The following PKHD1 variants were observed in gnomAD, a reference collection of about 807,000 sequenced individuals.
The protein encoded by PKHD1 is fibrocystin.
In PKHD1, 291 loss-of-function variants were observed where a neutral mutation model predicts 412.0. That is an observed-to-expected ratio of 0.71 (90% confidence interval 0.64 to 0.78). PKHD1 has a LOEUF of 0.78. Among genes scored for constraint, PKHD1 ranks in the 30% least tolerant of loss-of-function variants. PKHD1 has a pLI of 0.00. For synonymous variants in PKHD1, 1,777 were observed against 1,821.5 expected, an observed-to-expected ratio of 0.98 and a Z score of 0.62; for missense variants, 4,825 against 4,950.7, an observed-to-expected ratio of 0.97 and a Z score of 0.76.
intron 36 of PKHD1, among the ~76,000 whole-genome samples, chr6:51,937,425 G>A (rs1266895): frequency 0.7 from 107,017 of 152,046 alleles, 38,158 homozygotes; most frequent in East Asian, 0.94. Context: ...ATCTCTTCAA[G>A]TATTTTACAG....
intron 60 of PKHD1, among the ~76,000 whole-genome samples, chr6:51,673,473 C>G (rs146968370): frequency 1.7e-4 from 26 of 152,320 alleles, no homozygotes; most frequent in South Asian, 8.3e-4. Context: ...GACTCACTTG[C>G]TATAGCAAGT....
At chr6:52,069,103 T>C (rs142564377) in intron 11 of PKHD1, among the ~76,000 whole-genome samples, 50 of 152,326 alleles carry the variant, frequency 3.3e-4, no homozygotes, top group Admixed American at 1.4e-3. Context: ...ATTGAATGAA[T>C]GCTCAGAGAT....
At chr6:51,774,086 A>G (rs1790601138) in intron 54 of PKHD1, among the ~76,000 whole-genome samples, 1 of 151,914 alleles carries the variant, frequency 6.6e-6, no homozygotes, top group South Asian at 2.1e-4. Context: ...TTTTCAACCA[A>G]AGCATTTATA....
At chr6:51,962,684 T>C (rs1471565248) in intron 35 of PKHD1, among the ~76,000 whole-genome samples, 1 of 152,080 alleles carries the variant, frequency 6.6e-6, no homozygotes, top group Non-Finnish European at 1.5e-5. Flanking sequence ...ATCTGAAGTT[T>C]TTCCCTTACC....
chr6:51,900,872 C>G (rs1260991934), intron 43 of PKHD1, among the ~76,000 whole-genome samples: 4 of 152,208 alleles, frequency 2.6e-5, no homozygotes, highest in Non-Finnish European at 5.9e-5. Context: ...TGAACAGACA[C>G]TTCTCAAAAG....
In PKHD1 at chr6:51,659,892, C is replaced by G; in HGVS notation, c.10234G>C (p.Val3412Leu). Residue 3412 changes from valine to leucine, a missense_variant, in exon 61 of 67, where the codon GTC becomes CTC. Val to Leu is a conservative substitution (Grantham distance 32). Coordinates refer to ENST00000371117, the MANE Select transcript of PKHD1 (RefSeq NM_138694.4). ...GCATCAGCGCTATCAAGAATTAGGA[C>G]CACTTGGTCAGTCTGTTTGCAGATG... is the stretch of plus-strand genomic sequence containing the variant. ...GFICKQTDQV[V>L]LILDSADAIW... The G allele has an allele frequency of 6.2e-7, 1 of 1,612,782 alleles. No individual in the cohort carries two copies. Among genetic ancestry groups the G allele is most frequent in the East Asian group, 2.2e-5 (1 of 44,830 alleles).
At chr6:51,985,300 CAT>C (rs1451054727) in intron 35 of PKHD1, among the ~76,000 whole-genome samples, 2 of 152,186 alleles carry the variant, frequency 1.3e-5, no homozygotes, top group African/African-American at 4.8e-5. Flanking sequence ...ACAATTAACA[CAT>C]GTTTATTGAT....
At chr6:51,899,195 C>T (rs75203275) in intron 43 of PKHD1, among the ~76,000 whole-genome samples, 12,188 of 152,040 alleles carry the variant, frequency 0.08, 817 homozygotes, top group African/African-American at 0.19. Context: ...ATACCTAAGC[C>T]GGGCAGAGAC....
At chr6:51,835,128 AC>A (rs1180552660) in intron 51 of PKHD1, among the ~76,000 whole-genome samples, 1 of 152,122 alleles carries the variant, frequency 6.6e-6, no homozygotes, top group African/African-American at 2.4e-5. Context: ...AGTTAAACTG[AC>A]CCCTTCTAAA....
At chr6:52,028,977 G>C (rs116418082) in intron 29 of PKHD1, among the ~76,000 whole-genome samples, 1 of 152,274 alleles carries the variant, frequency 6.6e-6, no homozygotes, top group East Asian at 1.9e-4. Context: ...ACCACATATT[G>C]GTTGCTTAAC....
At position 52,070,995 on chromosome 6, in the gene PKHD1, C is replaced by T; in HGVS notation, c.667+11G>A. 1 of 1,547,144 alleles carries T rather than the reference C, an allele frequency of 6.5e-7. No homozygotes were observed. The highest frequency in any genetic ancestry group is 8.9e-7 in the Non-Finnish European group (1 of 1,119,108). On this transcript the variant is annotated intron_variant, in intron 9 of 66. Coordinates refer to ENST00000371117, the MANE Select transcript of PKHD1 (RefSeq NM_138694.4). ...ATAAGACTTTAAAATTATGTTACTTCTCTAACAGACCGATGTAGTCGCCTT... is the reference window on the plus strand; with the variant it reads ...ATAAGACTTTAAAATTATGTTACTTTTCTAACAGACCGATGTAGTCGCCTT...
intron 35 of PKHD1, among the ~76,000 whole-genome samples, chr6:51,990,246 A>G (rs755163326): frequency 8.6e-5 from 13 of 152,016 alleles, no homozygotes; most frequent in Non-Finnish European, 1.9e-4. Flanking sequence ...TAGTGGCATC[A>G]ATCGTAGCCT....
At chr6:51,679,586 T>C (rs1160684629) in intron 60 of PKHD1, among the ~76,000 whole-genome samples, 1 of 151,970 alleles carries the variant, frequency 6.6e-6, no homozygotes, top group Non-Finnish European at 1.5e-5. Flanking sequence ...TATATTAATC[T>C]TTTCAAGGCA....
chr6:51,937,698 G>T (rs1266897), intron 36 of PKHD1, among the ~76,000 whole-genome samples: 1 of 152,060 alleles, frequency 6.6e-6, no homozygotes, highest in African/African-American at 2.4e-5. Flanking sequence ...GACACACCCC[G>T]CATAGGTATC....
Position 52,025,351 on chromosome 6 carries a change from C to T in PKHD1, c.4459G>A (p.Val1487Ile). Residue 1487 changes from valine (V) to isoleucine (I), a missense_variant, in exon 32 of 67, where the codon GTC becomes ATC. Transcript: ENST00000371117. The part of the protein sequence containing the change: ...TLFIREEASP[V>I]MDALSTNTSG... ...GTGTTTGTGGACAAGGCATCCATGACAGGACTTGCCTCTTCCCTTATGAAA... is the reference window on the plus strand; with the variant it reads ...GTGTTTGTGGACAAGGCATCCATGATAGGACTTGCCTCTTCCCTTATGAAA... The T allele has an allele frequency of 6.2e-7, 1 of 1,613,914 alleles. No homozygotes were observed.
intron 48 of PKHD1, among the ~76,000 whole-genome samples, chr6:51,862,483 G>A (rs1045246593): frequency 1.3e-5 from 2 of 152,128 alleles, no homozygotes; most frequent in Non-Finnish European, 2.9e-5. Flanking sequence ...TTTAAGGACT[G>A]AAAAGATACC....
intron 52 of PKHD1, among the ~76,000 whole-genome samples, chr6:51,816,315 A>G (rs6931067): frequency 0.058 from 8,194 of 140,108 alleles, 222 homozygotes; most frequent in South Asian, 0.076. Flanking sequence ...TTACTTAGAC[A>G]GCTAAGACAG....
chr6:51,872,688 TG>T (rs1475830283), intron 46 of PKHD1, among the ~76,000 whole-genome samples: 2 of 152,038 alleles, frequency 1.3e-5, no homozygotes. Flanking sequence ...GGATTACAGG[TG>T]TGAGCCACTG....
chr6:51,722,422 A>C (rs1782041390), intron 60 of PKHD1, among the ~76,000 whole-genome samples: 1 of 152,230 alleles, frequency 6.6e-6, no homozygotes, highest in Non-Finnish European at 1.5e-5. Context: ...CCCTGAATTC[A>C]GATGGACTTG....
Sources: allele counts gnomAD v4.1 joint callset (sites outside exome capture counted in the v4.1 genomes callset), GRCh38; gene constraint gnomAD v4.1.1; transcripts MANE v1.5; gene names NCBI Gene and HGNC (gene_info 2026-07-23, HGNC 2026-07-21).